BIRC2: variants seen among roughly 807,000 people sequenced by gnomAD.
The protein encoded by BIRC2 is baculoviral IAP repeat containing 2.
A neutral mutation model predicts 60.9 loss-of-function variants in BIRC2; 18 were observed. The observed-to-expected ratio is 0.30, with a 90% CI of 0.20 to 0.44. The LOEUF is 0.44. BIRC2 is among the 20% of genes least tolerant of loss of function. The pLI is 1.00. For synonymous variants in BIRC2, 282 were observed against 247.7 expected, an observed-to-expected ratio of 1.14 and a Z score of -1.30; for missense variants, 701 against 728.5, an observed-to-expected ratio of 0.96 and a Z score of 0.43.
In BIRC2 at chr11:102,368,470, A is replaced by G. The variant is rs1455968633; in HGVS notation, c.1288A>G (p.Ile430Val). Residue 430 changes from isoleucine to valine, a missense_variant, in exon 6 of 9, where the codon ATT becomes GTT. Physicochemically the swap from Ile to Val is conservative, Grantham distance 29. Transcript: ENST00000227758. ...TGENYKTVND[I>V]VSALLNAEDE... ...AGAGAACTATAAAACAGTTAATGAT[A>G]TTGTGTCAGCACTTCTTAATGCTGA... The G allele has an allele frequency of 3.1e-6, 5 of 1,613,886 alleles. No homozygotes were observed. The highest frequency in any genetic ancestry group is 4.2e-6 in the Non-Finnish European group (5 of 1,179,960).
At chr11:102,366,797 A>G (rs1828742064) in intron 5 of BIRC2, among the ~76,000 whole-genome samples, 2 of 152,230 alleles carry the variant, frequency 1.3e-5, no homozygotes, top group African/African-American at 2.4e-5. Context: ...TTCTGAAAAC[A>G]CAAGTCAAGT....
chr11:102,372,410 C>A (rs1243920330), intron 6 of BIRC2, among the ~76,000 whole-genome samples: 2 of 152,080 alleles, frequency 1.3e-5, no homozygotes, highest in Non-Finnish European at 2.9e-5. Context: ...TTATTTCTGC[C>A]TTCATTTCGT....
At chr11:102,355,587 T>C (rs1951411314) in intron 3 of BIRC2, among the ~76,000 whole-genome samples, 1 of 152,176 alleles carries the variant, frequency 6.6e-6, no homozygotes, top group African/African-American at 2.4e-5. Flanking sequence ...TCAAGATTGC[T>C]TAGGCTATTC....
At chr11:102,355,611 C>T (rs189297967) in intron 3 of BIRC2, among the ~76,000 whole-genome samples, 36 of 151,430 alleles carry the variant, frequency 2.4e-4, no homozygotes, top group African/African-American at 7.5e-4. Context: ...GCCTTAAGTT[C>T]CGTACAAATT....
At chr11:102,356,377 T>A (rs912656650) in intron 3 of BIRC2, among the ~76,000 whole-genome samples, 32 of 151,498 alleles carry the variant, frequency 2.1e-4, no homozygotes, top group African/African-American at 6.3e-4. Context: ...TGTAATTTCT[T>A]AGTAGAGATG....
intron 6 of BIRC2, among the ~76,000 whole-genome samples, chr11:102,374,667 A>T (rs1024124629): frequency 2.7e-4 from 41 of 152,132 alleles, no homozygotes; most frequent in African/African-American, 5.5e-4. Context: ...AGAGGCAGGC[A>T]GGCCTCCTTG....
chr11:102,377,887 A>G lies in BIRC2; in HGVS notation c.1652A>G (p.Glu551Gly), dbSNP rs1951733081. ...AAGAATATGAAGTATATTCCAACAG[A>G]AGATGTTTCAGGTAAAACAAAGATT... The part of the protein sequence containing the change: ...VDKNMKYIPT[E>G]DVSGLSLEEQ... Residue 551 changes from glutamate (E) to glycine (G), a missense_variant, in exon 8 of 9, where the codon GAA (glutamate) becomes GGA (glycine). Glu to Gly is a moderately conservative substitution (Grantham distance 98). This residue lies in a region of BIRC2 where 52 missense variants were observed against 83.9 expected (regional missense o/e 0.62). Transcript: ENST00000227758. 1 of 1,611,038 alleles carries G rather than the reference A, an allele frequency of 6.2e-7. No individual in the cohort carries two copies. Among genetic ancestry groups the G allele is most frequent in the South Asian group, 1.1e-5 (1 of 90,094 alleles).
At position 102,362,914 on chromosome 11, in the gene BIRC2, A is replaced by G. The variant is rs540910353; in HGVS notation, c.1014A>G (p.Arg338=). Reference sequence around the variant, plus strand: ...GTTTTAGGTGTGAGTTCTTGATACGAATGAAAGGCCAAGAGTTTGTTGATG... The same window carrying G: ...GTTTTAGGTGTGAGTTCTTGATACGGATGAAAGGCCAAGAGTTTGTTGATG... ...KWFPRCEFLI[R]MKGQEFVDEI... is the part of the protein sequence containing the mutation. The change falls in exon 4 of 9, where the codon CGA becomes CGG. Residue 338 remains arginine, a synonymous_variant. Transcript: ENST00000227758. 2 of 1,612,942 alleles carry G rather than the reference A, an allele frequency of 1.2e-6. No homozygotes were observed. Among genetic ancestry groups the G allele is most frequent in the East Asian group, 4.5e-5 (2 of 44,746 alleles).
At chr11:102,361,232 G>T (rs181295633) in intron 3 of BIRC2, among the ~76,000 whole-genome samples, 1 of 152,200 alleles carries the variant, frequency 6.6e-6, no homozygotes, top group African/African-American at 2.4e-5. Flanking sequence ...ATGTTGACTA[G>T]CCTGCAGCAG....
At position 102,377,729 on chromosome 11, in the gene BIRC2, A is replaced by T. The variant is rs372050334; in HGVS notation, c.1600A>T (p.Thr534Ser). ...AAACTGTCTAAAAGAAATTGACTCTACATTGTATAAGAACTTATTTGGTGA... is the reference window on the plus strand; with the variant it reads ...AAACTGTCTAAAAGAAATTGACTCTTCATTGTATAAGAACTTATTTGGTGA... ...FKNCLKEIDS[T>S]LYKNLFVDKN... is the part of the protein sequence containing the mutation. The change falls in exon 7 of 9, where the codon ACA becomes TCA. Residue 534 changes from threonine to serine, a missense_variant. This residue lies in a region of BIRC2 where 235 missense variants were observed against 208.9 expected (regional missense o/e 1.12). Coordinates refer to ENST00000227758, the MANE Select transcript of BIRC2 (RefSeq NM_001166.5). 3 of 1,604,852 alleles carry T rather than the reference A, an allele frequency of 1.9e-6. No individual in the cohort carries two copies. Among genetic ancestry groups the T allele is most frequent in the Middle Eastern group, 1.7e-4 (1 of 6,054 alleles).
rs143612582 is a variant in BIRC2 at position 102,362,921 on chromosome 11, G to A, written c.1021G>A (p.Gly341Ser). 6 of 1,612,854 alleles carry A rather than the reference G, an allele frequency of 3.7e-6. No homozygotes were observed. The highest frequency in any genetic ancestry group is 1.7e-5 in the Admixed American group (1 of 59,948). The change falls in exon 4 of 9, where the codon GGC becomes AGC. Residue 341 changes from glycine to serine, a missense_variant. Gly to Ser is a moderately conservative substitution (Grantham distance 56). This residue lies in a region of BIRC2 where 39 missense variants were observed against 69.8 expected (regional missense o/e 0.56). Transcript: ENST00000227758. ...PRCEFLIRMK[G>S]QEFVDEIQGR... ...GTGTGAGTTCTTGATACGAATGAAAGGCCAAGAGTTTGTTGATGAGATTCA... is the reference window on the plus strand; with the variant it reads ...GTGTGAGTTCTTGATACGAATGAAAAGCCAAGAGTTTGTTGATGAGATTCA...
intron 3 of BIRC2, among the ~76,000 whole-genome samples, chr11:102,361,658 G>A (rs925312122): frequency 1.3e-5 from 2 of 152,088 alleles, no homozygotes; most frequent in Admixed American, 6.5e-5. Context: ...GCTATCTTGA[G>A]GGTTATTGGA....
At chr11:102,366,428 G>T (rs1591539617) in intron 5 of BIRC2, among the ~76,000 whole-genome samples, 1 of 151,122 alleles carries the variant, frequency 6.6e-6, no homozygotes, top group South Asian at 2.1e-4. Flanking sequence ...GTGCAGTGGC[G>T]CAATTTTGGC....
intron 3 of BIRC2, among the ~76,000 whole-genome samples, chr11:102,355,486 G>A (rs560203888): frequency 6.6e-6 from 1 of 152,232 alleles, no homozygotes; most frequent in South Asian, 2.1e-4. Flanking sequence ...TTTTATGCTA[G>A]TATCATATTG....
At chr11:102,353,507 G>A (rs149627283) in intron 3 of BIRC2, among the ~76,000 whole-genome samples, 2 of 151,580 alleles carry the variant, frequency 1.3e-5, no homozygotes, top group South Asian at 2.1e-4. Context: ...TAGTAGAGAC[G>A]CAGTTTCGCT....
In BIRC2 at chr11:102,350,482, T is replaced by C; in HGVS notation, c.628T>C (p.Tyr210His). The change falls in exon 2 of 9, where the codon TAT (tyrosine) becomes CAT (histidine). Residue 210 changes from tyrosine (Y) to histidine (H), a missense_variant. Physicochemically the swap from Tyr to His is moderately conservative, Grantham distance 83 (BLOSUM62 2). Transcript: ENST00000227758. ...SPSELARAGF[Y>H]YIGPGDRVAC... The stretch of plus-strand genomic sequence containing the variant: ...ATCAGAATTGGCAAGAGCTGGTTTT[T>C]ATTATATAGGACCTGGAGATAGGGT... The C allele has an allele frequency of 1.2e-6, 2 of 1,614,216 alleles. No homozygotes were observed. The highest frequency in any genetic ancestry group is 1.7e-6 in the Non-Finnish European group (2 of 1,180,036).
At chr11:102,348,422 C>G (rs1951316259) in intron 1 of BIRC2, 176 bp from the exon 2 acceptor site, 1 of 159,580 alleles carries the variant, frequency 6.3e-6, no homozygotes, top group Non-Finnish European at 1.4e-5. Context: ...GTTGCATTTA[C>G]TTATTTTAAT....
Position 102,348,522 on chromosome 11 carries a change from T to G in BIRC2, c.-1257-76T>G, listed in dbSNP as rs189037775. 66 of 170,470 alleles carry G rather than the reference T, an allele frequency of 3.9e-4. No homozygotes were observed. The East Asian group carries it at 0.012, about 30-fold the overall frequency. 10.6% of individuals were successfully genotyped at this position (170,470 alleles called of 1,614,324 possible). A position where few individuals can be genotyped will look rare whatever the true frequency, so the allele number is the denominator to read the frequency against. ...TGAATTATTCTTAGACTTTACTGAA[T>G]AAATTGAAGAGTATGTAAGTTCTAT... is the stretch of plus-strand genomic sequence containing the variant. On this transcript the variant is annotated intron_variant, in intron 1 of 8. Transcript: ENST00000227758.
rs187475296 is a variant in BIRC2 at position 102,375,137 on chromosome 11, C to G, written c.1367-2359C>G. Among the ~76,000 whole-genome samples, 412 of 152,320 alleles carry G rather than the reference C, an allele frequency of 2.7e-3. 2 individuals carry two copies. Among genetic ancestry groups the G allele is most frequent in the African/African-American group, 9.5e-3 (395 of 41,582 alleles). Reference sequence around the variant, plus strand: ...GAAATCACCCGTCTTGTGCGTCGCTCACGCTGGGAGCTGTACACCGGAGCT... The same window carrying G: ...GAAATCACCCGTCTTGTGCGTCGCTGACGCTGGGAGCTGTACACCGGAGCT... On this transcript the variant is annotated intron_variant, in intron 6 of 8. Coordinates refer to ENST00000227758, the MANE Select transcript of BIRC2 (RefSeq NM_001166.5).
Sources: gnomAD v4.1 joint callset for allele counts (sites outside exome capture counted in the v4.1 genomes callset) on GRCh38, gnomAD v4.1.1 for gene constraint, gnomAD v4.1.1 regional missense constraint, MANE v1.5 for transcripts, NCBI Gene and HGNC (gene_info 2026-07-23, HGNC 2026-07-21) for gene names.